COL13A1: variants seen among roughly 807,000 people sequenced by gnomAD.
COL13A1 encodes collagen type XIII alpha 1 chain.
A neutral mutation model predicts 130.9 loss-of-function variants in COL13A1; 89 were observed. The observed-to-expected ratio is 0.68, with a 90% CI of 0.57 to 0.81. The LOEUF is 0.81. COL13A1 is among the 30% of genes least tolerant of loss of function. The pLI, the probability that COL13A1 is intolerant of heterozygous loss-of-function variation, is 0.00. For synonymous variants in COL13A1, 402 were observed against 341.6 expected (o/e 1.18, Z -1.95); for missense variants, 879 against 934.6 (o/e 0.94, Z 0.78).
At chr10:69,883,944 T>G (rs1056489386) in intron 7 of COL13A1, among the ~76,000 whole-genome samples, 1 of 152,186 alleles carries the variant, frequency 6.6e-6, no homozygotes, top group African/African-American at 2.4e-5. Context: ...AGGGCTAGAC[T>G]TGCAAGCTAT....
intron 1 of COL13A1, among the ~76,000 whole-genome samples, chr10:69,815,534 C>T (rs775654203): frequency 6.6e-6 from 1 of 152,132 alleles, no homozygotes; most frequent in African/African-American, 2.4e-5. Context: ...CACCATGGGT[C>T]TCAAAGTCAG....
intron 10 of COL13A1, 120 bp from the exon 11 acceptor site, chr10:69,894,432 C>A (rs2134790343): frequency 8.4e-7 from 1 of 1,190,176 alleles, no homozygotes; most frequent in South Asian, 1.4e-5. Context: ...CATGGGAAGA[C>A]CTGGCCATGG....
intron 2 of COL13A1, among the ~76,000 whole-genome samples, chr10:69,863,859 T>C (rs1293872760): frequency 6.6e-6 from 1 of 152,160 alleles, no homozygotes; most frequent in Non-Finnish European, 1.5e-5. Context: ...GGCAGATAGC[T>C]TGAGCTCAGG....
chr10:69,825,626 G>A (rs75562408), intron 2 of COL13A1, among the ~76,000 whole-genome samples: 4,384 of 152,260 alleles, frequency 0.029, 175 homozygotes, highest in African/African-American at 0.085. Flanking sequence ...TGCCCACTGC[G>A]GTTGCTGAGA....
chr10:69,818,947 C>T (rs1392919923), intron 1 of COL13A1, among the ~76,000 whole-genome samples: 1 of 152,182 alleles, frequency 6.6e-6, no homozygotes, highest in Non-Finnish European at 1.5e-5. Flanking sequence ...TAAAATTAAC[C>T]CTCACAGCTC....
intron 4 of COL13A1, 76 bp from the exon 5 acceptor site, chr10:69,875,052 A>C: frequency 1.3e-6 from 2 of 1,592,548 alleles, no homozygotes; most frequent in South Asian, 1.1e-5. Flanking sequence ...TCAGGTGCAC[A>C]GTTTGCCTAT....
At chr10:69,932,736 C>T (rs2066290103) in intron 31 of COL13A1, 132 bp downstream of exon 31, 6 of 651,286 alleles carry the variant, frequency 9.2e-6, no homozygotes, top group Non-Finnish European at 1.7e-5. Context: ...ATAGGTCAGG[C>T]ACTGATCCTC....
intron 2 of COL13A1, among the ~76,000 whole-genome samples, chr10:69,851,489 T>C (rs1387031833): frequency 1.3e-5 from 2 of 152,206 alleles, no homozygotes; most frequent in Non-Finnish European, 2.9e-5. Context: ...CAGAGCTGCT[T>C]AATAGAACTT....
At chr10:69,867,382 A>G (rs1272756462) in intron 2 of COL13A1, among the ~76,000 whole-genome samples, 2 of 152,182 alleles carry the variant, frequency 1.3e-5, no homozygotes, top group Non-Finnish European at 2.9e-5. Context: ...CAGTGAGGAC[A>G]CGGGCATGCT....
rs182362019 is a variant in COL13A1 at position 69,957,144 on chromosome 10, T to A, written c.2184+102T>A. On this transcript the variant is annotated intron_variant, in intron 40 of 40. Coordinates refer to ENST00000645393, the MANE Select transcript of COL13A1 (RefSeq NM_001368882.1). ...TTGCTACAGATGAGGCAGCAAGACA[T>A]AGGTCAAATAGTCACTGTCTCAAAG... is the stretch of plus-strand genomic sequence containing the variant. 2.3e-5 allele frequency: 22 copies of A among 958,694 alleles called. No individual in the cohort carries two copies. In the East Asian group the frequency reaches 5.4e-4, roughly 23 times the overall value. The allele number at this position is 958,694 out of a possible 1,614,324, so 59.4% of individuals were successfully genotyped here. A position where few individuals can be genotyped will look rare whatever the true frequency, so the allele number is the denominator to read the frequency against.
intron 2 of COL13A1, among the ~76,000 whole-genome samples, chr10:69,851,271 C>G (rs928697922): frequency 6.6e-6 from 1 of 152,220 alleles, no homozygotes; most frequent in African/African-American, 2.4e-5. Flanking sequence ...GTGAGAGAAT[C>G]AGGGAAATCA....
intron 1 of COL13A1, among the ~76,000 whole-genome samples, chr10:69,809,294 G>A (rs1288678273): frequency 6.6e-6 from 1 of 152,170 alleles, no homozygotes; most frequent in Non-Finnish European, 1.5e-5. Flanking sequence ...CATCATTGGA[G>A]GAGGTAATAT....
chr10:69,886,727 G>T (rs748322731), intron 7 of COL13A1, among the ~76,000 whole-genome samples: 1 of 152,140 alleles, frequency 6.6e-6, no homozygotes, highest in Non-Finnish European at 1.5e-5. Context: ...TCACAGCCTT[G>T]TGCTTCTTCT....
At chr10:69,829,679 C>A (rs555659430) in intron 2 of COL13A1, among the ~76,000 whole-genome samples, 3 of 152,306 alleles carry the variant, frequency 2.0e-5, no homozygotes, top group South Asian at 4.1e-4. Context: ...TTAAGGAGCA[C>A]CCCCACCCCC....
At chr10:69,830,901 C>T (rs1848666145) in intron 2 of COL13A1, among the ~76,000 whole-genome samples, 2 of 152,148 alleles carry the variant, frequency 1.3e-5, no homozygotes, top group South Asian at 4.1e-4. Context: ...TCCATTTTCG[C>T]CCGCCCTCCG....
chr10:69,811,498 T>C (rs1010451160), intron 1 of COL13A1, among the ~76,000 whole-genome samples: 3 of 152,194 alleles, frequency 2.0e-5, no homozygotes, highest in Non-Finnish European at 4.4e-5. Flanking sequence ...CTTCCAGGAA[T>C]AGCTTCATCC....
chr10:69,925,743 A>G, intron 25 of COL13A1, 61 bp from the exon 26 acceptor site: 1 of 1,309,892 alleles, frequency 7.6e-7, no homozygotes, highest in Non-Finnish European at 1.1e-6. Flanking sequence ...AGAGCAGGCC[A>G]CAGTTGCCCT....
chr10:69,952,764 T>A, intron 38 of COL13A1, 118 bp from the exon 39 acceptor site: 1 of 715,070 alleles, frequency 1.4e-6, no homozygotes, highest in Non-Finnish European at 2.2e-6. Context: ...AATATCCTAA[T>A]TTAAAGCATC....
intron 15 of COL13A1, among the ~76,000 whole-genome samples, chr10:69,903,409 G>A (rs1432916415): frequency 6.6e-6 from 1 of 152,226 alleles, no homozygotes; most frequent in African/African-American, 2.4e-5. Flanking sequence ...ACTCCAGAGA[G>A]GCCAACTGGC....
Sources: allele counts gnomAD v4.1 joint callset (sites outside exome capture counted in the v4.1 genomes callset), GRCh38; gene constraint gnomAD v4.1.1; transcripts MANE v1.5; gene names NCBI Gene and HGNC (gene_info 2026-07-23, HGNC 2026-07-21).